NR3C2: variants seen among roughly 807,000 people sequenced by gnomAD.
The protein encoded by NR3C2 is nuclear receptor subfamily 3 group C member 2, also known as mineralocorticoid receptor.
A neutral mutation model predicts 86.4 loss-of-function variants in NR3C2; 15 were observed. The observed-to-expected ratio is 0.17, with a 90% CI of 0.12 to 0.27. The LOEUF is 0.27. Ranked by LOEUF, NR3C2 falls within the 10% of genes least tolerant of loss-of-function variation. The probability of loss-of-function intolerance (pLI) is 1.00; values close to 1 mark genes in which losing one functional copy is unlikely to be tolerated. For missense variants in NR3C2, 960 were observed against 1,195.6 expected, an observed-to-expected ratio of 0.80 and a Z score of 2.91; for synonymous variants, 458 against 450.5, an observed-to-expected ratio of 1.02 and a Z score of -0.21.
chr4:148,265,021 A>C (rs1435082378), intron 2 of NR3C2, among the ~76,000 whole-genome samples: 3 of 152,226 alleles, frequency 2.0e-5, no homozygotes, highest in African/African-American at 7.2e-5. Context: ...ACGAAAACTC[A>C]TCATTTTGGG....
intron 2 of NR3C2, among the ~76,000 whole-genome samples, chr4:148,333,580 C>A (rs538585225): frequency 1.3e-5 from 2 of 151,564 alleles, no homozygotes; most frequent in African/African-American, 4.9e-5. Context: ...GGAAGGACCA[C>A]GAGTCTCCAA....
At chr4:148,185,053 C>T (rs901818013) in intron 4 of NR3C2, among the ~76,000 whole-genome samples, 4 of 152,192 alleles carry the variant, frequency 2.6e-5, no homozygotes, top group African/African-American at 7.2e-5. Flanking sequence ...GAAGCCACAA[C>T]GAACCACCCC....
intron 6 of NR3C2, among the ~76,000 whole-genome samples, chr4:148,128,097 CG>C (rs1732835862): frequency 6.6e-6 from 1 of 152,088 alleles, no homozygotes; most frequent in Non-Finnish European, 1.5e-5. Context: ...CATTAAAATC[CG>C]AGTGTGAGTA....
intron 4 of NR3C2, among the ~76,000 whole-genome samples, chr4:148,163,276 C>T (rs1368200923): frequency 6.6e-6 from 1 of 152,122 alleles, no homozygotes; most frequent in Non-Finnish European, 1.5e-5. Context: ...CAGTTCTGCC[C>T]TAAGGTAGAA....
chr4:148,244,838 T>C (rs1209521906), intron 3 of NR3C2, among the ~76,000 whole-genome samples: 1 of 152,240 alleles, frequency 6.6e-6, no homozygotes, highest in African/African-American at 2.4e-5. Flanking sequence ...GGACTTTTGA[T>C]CTCTGCCCAT....
intron 2 of NR3C2, among the ~76,000 whole-genome samples, chr4:148,371,553 A>G (rs965303280): frequency 2.1e-4 from 32 of 152,086 alleles, no homozygotes; most frequent in African/African-American, 7.5e-4. Flanking sequence ...AAAGTGAAAA[A>G]TTTTATACCT....
intron 2 of NR3C2, among the ~76,000 whole-genome samples, chr4:148,361,665 C>T (rs530375620): frequency 1.3e-5 from 2 of 152,288 alleles, no homozygotes; most frequent in South Asian, 2.1e-4. Flanking sequence ...GGAGTTAATA[C>T]CACCTGATCC....
intron 3 of NR3C2, among the ~76,000 whole-genome samples, chr4:148,235,802 T>A (rs1738723039): frequency 6.6e-6 from 1 of 152,240 alleles, no homozygotes; most frequent in South Asian, 2.1e-4. Context: ...ACAGCTTAGC[T>A]GTTTTAGAAC....
intron 2 of NR3C2, among the ~76,000 whole-genome samples, chr4:148,265,096 G>A (rs1275760113): frequency 1.3e-5 from 2 of 152,102 alleles, no homozygotes; most frequent in Admixed American, 6.5e-5. Flanking sequence ...TAGTTCAGAG[G>A]ATTTTATACA....
chr4:148,186,996 G>GTGTA (rs1270300388), intron 4 of NR3C2, among the ~76,000 whole-genome samples: 24 of 27,198 alleles, frequency 8.8e-4, no homozygotes, highest in East Asian at 4.9e-3. Context: ...GTGTATGTAT[G>GTGTA]TATATATATA....
At position 148,175,868 on chromosome 4, in the gene NR3C2, T is replaced by A. The variant is rs554150730; in HGVS notation, c.2014+18878A>T. On this transcript the variant is annotated intron_variant, in intron 4 of 8. Transcript: ENST00000358102. ...AAAAAAATTTTTTTAGCCAGGCATG[T>A]GCCTGTAGTCCCAGCTACTCGGGAG... Among the ~76,000 whole-genome samples the A allele has an allele frequency of 2.6e-5, 4 of 152,350 alleles. No individual in the cohort carries two copies. The East Asian group carries it at 7.7e-4, about 29-fold the overall frequency.
intron 4 of NR3C2, among the ~76,000 whole-genome samples, chr4:148,186,862 T>C (rs999086584): frequency 1.3e-5 from 2 of 150,558 alleles, no homozygotes; most frequent in African/African-American, 4.9e-5. Flanking sequence ...CAACATACGA[T>C]GTTTGGTTTT....
intron 2 of NR3C2, among the ~76,000 whole-genome samples, chr4:148,367,510 A>C (rs2126357922): frequency 6.6e-6 from 1 of 152,286 alleles, no homozygotes. Flanking sequence ...ATCACACCTA[A>C]AGAATTCTAG....
At chr4:148,275,761 T>A (rs1415778575) in intron 2 of NR3C2, among the ~76,000 whole-genome samples, 2 of 152,132 alleles carry the variant, frequency 1.3e-5, no homozygotes, top group Admixed American at 1.3e-4. Context: ...ATAGAAAATA[T>A]GAACCATAAT....
At chr4:148,147,017 G>A (rs1229435906) in intron 6 of NR3C2, among the ~76,000 whole-genome samples, 6 of 152,098 alleles carry the variant, frequency 3.9e-5, no homozygotes, top group Admixed American at 3.9e-4. Context: ...TTGAATACTT[G>A]CAGCGATCTG....
intron 6 of NR3C2, among the ~76,000 whole-genome samples, chr4:148,134,638 TC>T (rs1445602870): frequency 0.013 from 1,516 of 118,818 alleles, 61 homozygotes; most frequent in African/African-American, 0.053. Context: ...TCTCTCTCTC[TC>T]TCTCTTTTTT....
At chr4:148,145,923 G>A (rs1181543595) in intron 6 of NR3C2, among the ~76,000 whole-genome samples, 1 of 152,096 alleles carries the variant, frequency 6.6e-6, no homozygotes, top group Non-Finnish European at 1.5e-5. Context: ...GAAGGAGAGA[G>A]AAGGGGAGAA....
chr4:148,375,096 T>C, intron 2 of NR3C2, among the ~76,000 whole-genome samples: 1 of 152,218 alleles, frequency 6.6e-6, no homozygotes, highest in South Asian at 2.1e-4. Context: ...TTTGAAAAAA[T>C]AATTACAATA....
At chr4:148,213,502 A>G (rs888476416) in intron 3 of NR3C2, among the ~76,000 whole-genome samples, 12 of 152,194 alleles carry the variant, frequency 7.9e-5, no homozygotes, top group Non-Finnish European at 1.2e-4. Context: ...TATTTATAGT[A>G]TTCTGAATTG....
Sources: allele counts gnomAD v4.1 joint callset (sites outside exome capture counted in the v4.1 genomes callset), GRCh38; gene constraint gnomAD v4.1.1; transcripts MANE v1.5; gene names NCBI Gene and HGNC (gene_info 2026-07-23, HGNC 2026-07-21).